ROCK2: variants seen among roughly 807,000 people sequenced by gnomAD.
ROCK2 encodes the protein Rho associated coiled-coil containing protein kinase 2.
A neutral mutation model predicts 195.1 loss-of-function variants in ROCK2; 61 were observed. The ratio of observed to expected loss-of-function variants is 0.31; its 90% CI spans 0.25 to 0.39. ROCK2 has a LOEUF of 0.39. Among genes scored for constraint, ROCK2 ranks in the 10% least tolerant of loss-of-function variants. The probability of loss-of-function intolerance (pLI) is 1.00; values close to 1 mark genes in which losing one functional copy is unlikely to be tolerated. For missense variants in ROCK2, 1,109 were observed against 1,637.4 expected (o/e 0.68, Z 5.57); for synonymous variants, 504 against 545.5 (o/e 0.92, Z 1.06).
chr2:11,239,132 ATATCT>A (rs2148111834), intron 4 of ROCK2, among the ~76,000 whole-genome samples: 1 of 152,272 alleles, frequency 6.6e-6, no homozygotes, highest in African/African-American at 2.4e-5. Flanking sequence ...ACACAGGAGA[ATATCT>A]TAATGAACCT....
intron 32 of ROCK2, among the ~76,000 whole-genome samples, chr2:11,190,404 T>G (rs1273930008): frequency 6.7e-6 from 1 of 149,980 alleles, no homozygotes; most frequent in African/African-American, 2.4e-5. Context: ...CAAAAGTAAA[T>G]GTACTCTCAA....
At chr2:11,245,768 A>T (rs2148121364) in intron 4 of ROCK2, among the ~76,000 whole-genome samples, 1 of 151,978 alleles carries the variant, frequency 6.6e-6, no homozygotes, top group African/African-American at 2.4e-5. Flanking sequence ...CCTCATTCTG[A>T]TCCCACTGGT....
intron 1 of ROCK2, among the ~76,000 whole-genome samples, chr2:11,317,612 A>ATATATATATATATATTT (rs59701503): frequency 1.0e-4 from 2 of 19,306 alleles, no homozygotes; most frequent in African/African-American, 1.6e-4. Flanking sequence ...ATATATATAT[A>ATATATATATATATATTT]TTTTTTTTTT....
chr2:11,329,234 G>T (rs1668642368), intron 1 of ROCK2, among the ~76,000 whole-genome samples: 1 of 151,906 alleles, frequency 6.6e-6, no homozygotes, highest in South Asian at 2.1e-4. Flanking sequence ...ATCAAACAGG[G>T]ATCCTCTTTA....
chr2:11,308,772 G>C, intron 1 of ROCK2: 1 of 1,612,474 alleles, frequency 6.2e-7, no homozygotes, highest in South Asian at 1.1e-5. Context: ...CCTAAAAAAA[G>C]GTTTACCAGC....
chr2:11,214,751 G>T, intron 16 of ROCK2, 89 bp downstream of exon 16: 2 of 1,200,450 alleles, frequency 1.7e-6, no homozygotes, highest in Non-Finnish European at 2.3e-6. Flanking sequence ...ATTCAGAAAT[G>T]TCCAATCCAG....
At chr2:11,290,568 T>C (rs755169432) in intron 1 of ROCK2, among the ~76,000 whole-genome samples, 5 of 151,678 alleles carry the variant, frequency 3.3e-5, no homozygotes, top group Non-Finnish European at 5.9e-5. Flanking sequence ...CGTACAGAAA[T>C]GACAGGAGAA....
In ROCK2 at chr2:11,221,301, C is replaced by T. The variant is rs759226246; in HGVS notation, c.1156G>A (p.Asp386Asn). The change falls in exon 9 of 33, where the codon GAC becomes AAC. Residue 386 changes from aspartate (D) to asparagine (N), a missense_variant. This residue lies in a region of ROCK2 where 253 missense variants were observed against 455.5 expected (regional missense o/e 0.56). Transcript: ENST00000315872. ...SSDIDSSNFD[D>N]IEDDKGDVET... ...ACATCTCCTTTGTCATCTTCAATGT[C>T]ATCGAAATTGCTGCTGTCTATGTCA... 5.7e-6 allele frequency: 9 copies of T among 1,591,588 alleles called. No homozygotes were observed. The highest frequency in any genetic ancestry group is 7.7e-6 in the Non-Finnish European group (9 of 1,171,672).
chr2:11,226,473 T>C (rs911442682), intron 6 of ROCK2, among the ~76,000 whole-genome samples: 3 of 152,158 alleles, frequency 2.0e-5, no homozygotes, highest in Non-Finnish European at 4.4e-5. Context: ...ACAATATATA[T>C]GCAAGAAGTA....
At chr2:11,302,486 T>C (rs903472800) in intron 1 of ROCK2, among the ~76,000 whole-genome samples, 4 of 152,132 alleles carry the variant, frequency 2.6e-5, no homozygotes, top group Admixed American at 2.0e-4. Flanking sequence ...TCCAAATGCC[T>C]AGAAAATCAA....
At position 11,344,513 on chromosome 2, in the gene ROCK2, G is replaced by T; in HGVS notation, c.-377C>A. 7 of 986,630 alleles carry T rather than the reference G, an allele frequency of 7.1e-6. No homozygotes were observed. Among genetic ancestry groups the T allele is most frequent in the Non-Finnish European group, 8.4e-6 (7 of 831,574 alleles). The allele number at this position is 986,630 out of a possible 1,614,324, so 61.1% of individuals were successfully genotyped here. ...GACCGCCCCGCCCTCTGGGGCCCCG[G>T]GAGGCTGAAGCCCAGGCCTGGGCCA... On this transcript the variant is annotated 5_prime_UTR_variant, in exon 1 of 33. Transcript: ENST00000315872. The surrounding 1 kb of genome is among the most constrained non-coding windows in gnomAD (Gnocchi z 5.4).
intron 3 of ROCK2, among the ~76,000 whole-genome samples, chr2:11,255,277 C>T (rs1476918032): frequency 7.0e-6 from 1 of 143,246 alleles, no homozygotes; most frequent in African/African-American, 2.7e-5. Flanking sequence ...TCTACATTTA[C>T]AAAGTATAAA....
intron 1 of ROCK2, among the ~76,000 whole-genome samples, chr2:11,330,754 G>T (rs1572416937): frequency 9.2e-6 from 1 of 108,220 alleles, no homozygotes; most frequent in African/African-American, 3.3e-5. Context: ...GGAGGGAGGA[G>T]GAGGAGGGAG....
intron 17 of ROCK2, 116 bp from the exon 18 acceptor site, chr2:11,211,956 A>G (rs1314280263): frequency 1.4e-6 from 1 of 739,980 alleles, no homozygotes; most frequent in Non-Finnish European, 2.0e-6. Context: ...CCCAGGCTGA[A>G]GTGCAGTGGT....
At chr2:11,233,883 A>T (rs999269517) in intron 5 of ROCK2, 1 of 152,304 alleles carries the variant, frequency 6.6e-6, no homozygotes, top group Non-Finnish European at 1.5e-5. Context: ...AATATAAAAT[A>T]AAAGCAAGAT....
At position 11,227,322 on chromosome 2, in the gene ROCK2, C is replaced by T. The variant is rs775757018; in HGVS notation, c.800G>A (p.Gly267Asp). 2 of 1,613,810 alleles carry T rather than the reference C, an allele frequency of 1.2e-6. No individual in the cohort carries two copies. The highest frequency in any genetic ancestry group is 1.7e-6 in the Non-Finnish European group (2 of 1,179,900). The change falls in exon 6 of 33, where the codon GGT (glycine) becomes GAT (aspartate). Residue 267 changes from glycine (G) to aspartate (D), a missense_variant. This residue lies in a region of ROCK2 where 253 missense variants were observed against 455.5 expected (regional missense o/e 0.56). Coordinates refer to ENST00000315872, the MANE Select transcript of ROCK2 (RefSeq NM_004850.5). ...ISPEVLKSQGGDGFYGRECDW... is the reference protein window; with the variant it reads ...ISPEVLKSQGDDGFYGRECDW... Reference sequence around the variant, plus strand: ...ACATTCTCGCCCATAGAAACCATCACCCCCTTGTGATTTCAGAACCTCAGG... The same window carrying T: ...ACATTCTCGCCCATAGAAACCATCATCCCCTTGTGATTTCAGAACCTCAGG...
At position 11,247,777 on chromosome 2, in the gene ROCK2, TG is replaced by T. The variant is rs1223969118; in HGVS notation, c.462+1883del. Among the ~76,000 whole-genome samples, 3 of 152,108 alleles carry T rather than the reference TG, an allele frequency of 2.0e-5. No homozygotes were observed. In the East Asian group the frequency reaches 5.8e-4, roughly 29 times the overall value. ...GCTCATGCCTGTAATCCCAGCACTT[TG>T]GGGGGCCAAGGCAGGCAGATCACTT... On this transcript the variant is annotated intron_variant, in intron 4 of 32. Coordinates refer to ENST00000315872, the MANE Select transcript of ROCK2 (RefSeq NM_004850.5).
At chr2:11,318,798 A>G (rs1373895166) in intron 1 of ROCK2, among the ~76,000 whole-genome samples, 5 of 152,168 alleles carry the variant, frequency 3.3e-5, no homozygotes, top group African/African-American at 7.2e-5. Context: ...TAAGGAAGGG[A>G]TCCAGTTTCA....
intron 3 of ROCK2, among the ~76,000 whole-genome samples, chr2:11,271,945 G>A (rs545348825): frequency 1.3e-5 from 2 of 150,350 alleles, no homozygotes; most frequent in South Asian, 2.1e-4. Context: ...GCGTGAACCC[G>A]ACAGGCGGAG....
Sources: gnomAD v4.1 joint callset for allele counts (sites outside exome capture counted in the v4.1 genomes callset) on GRCh38, gnomAD v4.1.1 for gene constraint, gnomAD v4.1.1 regional missense constraint, Gnocchi (gnomAD v3.1) non-coding constraint, MANE v1.5 for transcripts, NCBI Gene and HGNC (gene_info 2026-07-23, HGNC 2026-07-21) for gene names.